The following BTAF1 variants were observed in gnomAD, a reference collection of about 807,000 sequenced individuals.
BTAF1 encodes B-TFIID TATA-box binding protein associated factor 1, also known as TATA-binding protein-associated factor 172.
BTAF1 carries 38 observed loss-of-function variants against 227.1 expected under a neutral mutation model. The observed-to-expected ratio is 0.17, with a 90% CI of 0.13 to 0.22. BTAF1 has a LOEUF of 0.22. BTAF1 is among the 10% of genes least tolerant of loss of function. The pLI, the probability that BTAF1 is intolerant of heterozygous loss-of-function variation, is 1.00. For missense variants in BTAF1, 1,598 were observed against 2,204.0 expected (o/e 0.73, Z 5.51); for synonymous variants, 742 against 751.9 (o/e 0.99, Z 0.21).
chr10:91,935,140 A>T (rs10786024), intron 1 of BTAF1: 90,094 of 151,972 alleles, frequency 0.59, 30,404 homozygotes, highest in East Asian at 0.77. Flanking sequence ...TGACAGATAA[A>T]TGTACATTAT....
chr10:91,925,943 G>A (rs1215030810), intron 1 of BTAF1, among the ~76,000 whole-genome samples: 2 of 151,966 alleles, frequency 1.3e-5, no homozygotes, highest in African/African-American at 2.4e-5. Context: ...TTTTTTTCTC[G>A]TTCACTTTTT....
At chr10:91,961,163 C>T (rs1184534001) in intron 11 of BTAF1, among the ~76,000 whole-genome samples, 3 of 151,742 alleles carry the variant, frequency 2.0e-5, no homozygotes, top group Non-Finnish European at 4.4e-5. Context: ...TGAGTATTGA[C>T]GAAAAAGAAG....
Position 91,923,805 on chromosome 10 carries a change from G to A in BTAF1, c.-272G>A, listed in dbSNP as rs917831305. On this transcript the variant is annotated 5_prime_UTR_variant, in exon 1 of 38. Coordinates refer to ENST00000265990, the MANE Select transcript of BTAF1 (RefSeq NM_003972.3). ...GCCGACGCCCGCGTCAGCAAAGAGC[G>A]GAGCTGAGGGTACCCGGTTTGAAGT... The A allele has an allele frequency of 2.0e-5, 8 of 405,522 alleles. No individual in the cohort carries two copies. The South Asian group carries it at 2.1e-4, about 11-fold the overall frequency. 25.1% of individuals were successfully genotyped at this position (405,522 alleles called of 1,614,324 possible).
At chr10:91,979,884 T>A (rs1433614645) in intron 14 of BTAF1, among the ~76,000 whole-genome samples, 1 of 152,126 alleles carries the variant, frequency 6.6e-6, no homozygotes, top group Non-Finnish European at 1.5e-5. Flanking sequence ...TAATTATATG[T>A]TTTTCTGATA....
chr10:91,994,460 A>C, intron 22 of BTAF1, 75 bp from the exon 23 acceptor site: 1 of 1,076,046 alleles, frequency 9.3e-7, no homozygotes, highest in Non-Finnish European at 1.4e-6. Flanking sequence ...TAGCTGAAAA[A>C]GTGCTAAAAG....
At chr10:91,933,342 C>T (rs1844396341) in intron 1 of BTAF1, among the ~76,000 whole-genome samples, 1 of 152,126 alleles carries the variant, frequency 6.6e-6, no homozygotes, top group Non-Finnish European at 1.5e-5. Flanking sequence ...GAGTGTGAAA[C>T]TGGCACTCTC....
At position 92,011,429 on chromosome 10, in the gene BTAF1, A is replaced by T; in HGVS notation, c.4311+14A>T. The T allele has an allele frequency of 8.5e-7, 1 of 1,180,950 alleles. No homozygotes were observed. The allele number at this position is 1,180,950 out of a possible 1,614,324, so 73.2% of individuals were successfully genotyped here. The stretch of plus-strand genomic sequence containing the variant: ...ACACCAATCCAGGTAATTATTTATT[A>T]TTATTTTTTTTAATTATTTTTATTT... On this transcript the variant is annotated intron_variant, in intron 30 of 37. Transcript: ENST00000265990.
At chr10:91,955,273 C>G (rs1211015009) in intron 6 of BTAF1, among the ~76,000 whole-genome samples, 1 of 152,162 alleles carries the variant, frequency 6.6e-6, no homozygotes, top group East Asian at 1.9e-4. Context: ...TTTCAGAGTT[C>G]ATGAGTCATT....
intron 1 of BTAF1, 107 bp downstream of exon 1, chr10:91,924,197 T>C: frequency 4.9e-6 from 7 of 1,434,100 alleles, no homozygotes; most frequent in Non-Finnish European, 6.5e-6. Flanking sequence ...GTCACTGGGC[T>C]CTGGAGCTTT....
intron 21 of BTAF1, among the ~76,000 whole-genome samples, chr10:91,993,170 T>C (rs979818240): frequency 6.6e-6 from 1 of 152,242 alleles, no homozygotes; most frequent in South Asian, 2.1e-4. Flanking sequence ...ATATCTCTAG[T>C]TTGCATAGTT....
At chr10:92,021,582 C>T (rs1248669429) in intron 34 of BTAF1, among the ~76,000 whole-genome samples, 1 of 151,740 alleles carries the variant, frequency 6.6e-6, no homozygotes, top group Non-Finnish European at 1.5e-5. Context: ...TGCTCTGTCG[C>T]CCAGGCTGGA....
chr10:91,972,768 TTATAAAAC>T (rs1847396435), intron 14 of BTAF1, among the ~76,000 whole-genome samples: 1 of 152,222 alleles, frequency 6.6e-6, no homozygotes, highest in Non-Finnish European at 1.5e-5. Flanking sequence ...TTGGGTCAAT[TTATAAAAC>T]TACTAATTTG....
At chr10:92,028,056 T>A (rs112124958) in intron 37 of BTAF1, among the ~76,000 whole-genome samples, 2 of 152,268 alleles carry the variant, frequency 1.3e-5, no homozygotes, top group South Asian at 4.1e-4. Context: ...ACAAATTAAG[T>A]CCCTGGTGGC....
Position 91,935,744 on chromosome 10 carries a change from G to C in BTAF1, c.102G>C (p.Lys34Asn), listed in dbSNP as rs1264811815. Reference sequence around the variant, plus strand: ...CACAGCAACTTGGAGAAGTGGTGAAGCTTCATCCCCATGAACTAAATAATC... The same window carrying C: ...CACAGCAACTTGGAGAAGTGGTGAACCTTCATCCCCATGAACTAAATAATC... The part of the protein sequence containing the change: ...AAAQQLGEVV[K>N]LHPHELNNLL... Residue 34 changes from lysine (K) to asparagine (N), a missense_variant, in exon 2 of 38, where the codon AAG becomes AAC. Coordinates refer to ENST00000265990, the MANE Select transcript of BTAF1 (RefSeq NM_003972.3). The C allele has an allele frequency of 6.2e-7, 1 of 1,613,140 alleles. No individual in the cohort carries two copies. Among genetic ancestry groups the C allele is most frequent in the South Asian group, 1.1e-5 (1 of 90,940 alleles).
chr10:91,997,955 A>G (rs1351103496), intron 25 of BTAF1, among the ~76,000 whole-genome samples: 4 of 151,936 alleles, frequency 2.6e-5, no homozygotes, highest in Non-Finnish European at 5.9e-5. Context: ...ACTAAAAAAA[A>G]TACAAAAAAA....
At chr10:92,014,317 C>A (rs923241641) in intron 32 of BTAF1, among the ~76,000 whole-genome samples, 2 of 152,128 alleles carry the variant, frequency 1.3e-5, no homozygotes, top group African/African-American at 4.8e-5. Flanking sequence ...CAGCCTCGAC[C>A]TCCGGGTTCA....
At chr10:92,004,433 T>C (rs1384331556) in intron 25 of BTAF1, among the ~76,000 whole-genome samples, 1 of 152,136 alleles carries the variant, frequency 6.6e-6, no homozygotes, top group African/African-American at 2.4e-5. Flanking sequence ...GTTTTAGATA[T>C]TTGGATTTGG....
chr10:91,999,312 A>G (rs886904005), intron 25 of BTAF1, among the ~76,000 whole-genome samples: 6 of 152,200 alleles, frequency 3.9e-5, no homozygotes, highest in Admixed American at 3.3e-4. Context: ...GTTTGGTTAT[A>G]TCTGGTAAAA....
At chr10:91,982,428 A>C in intron 17 of BTAF1, 159 bp from the exon 18 acceptor site, 1 of 1,058,190 alleles carries the variant, frequency 9.5e-7, no homozygotes, top group South Asian at 1.8e-5. Context: ...CTTCTTATGA[A>C]GACAAGATAG....
Sources: allele counts gnomAD v4.1 joint callset (sites outside exome capture counted in the v4.1 genomes callset), GRCh38; gene constraint gnomAD v4.1.1; transcripts MANE v1.5; gene names NCBI Gene and HGNC (gene_info 2026-07-23, HGNC 2026-07-21).